TOM1L2: variants seen among roughly 807,000 people sequenced by gnomAD.
The protein encoded by TOM1L2 is target of myb1 like 2 membrane trafficking protein.
Under a neutral mutation model 67.9 loss-of-function variants are expected in TOM1L2, and 31 were observed. That is an observed-to-expected ratio of 0.46 (90% CI 0.34 to 0.62). The LOEUF is 0.62. Ranked by LOEUF, TOM1L2 falls within the 20% of genes least tolerant of loss-of-function variation. TOM1L2 has a pLI of 0.01. For synonymous variants in TOM1L2, 256 were observed against 254.0 expected, an observed-to-expected ratio of 1.01 and a Z score of -0.07; for missense variants, 606 against 663.5, an observed-to-expected ratio of 0.91 and a Z score of 0.95.
intron 8 of TOM1L2, among the ~76,000 whole-genome samples, chr17:17,867,583 T>C (rs1217494062): frequency 1.3e-5 from 2 of 152,044 alleles, no homozygotes; most frequent in African/African-American, 2.4e-5. Context: ...AGAGTAGTTA[T>C]GAGGTGTGTG....
chr17:17,940,243 G>T (rs2040679426), intron 1 of TOM1L2, among the ~76,000 whole-genome samples: 1 of 151,070 alleles, frequency 6.6e-6, no homozygotes, highest in Non-Finnish European at 1.5e-5. Context: ...GCTGCATAGG[G>T]TTGTTACTCA....
At chr17:17,952,411 A>G (rs1261507245) in intron 1 of TOM1L2, among the ~76,000 whole-genome samples, 1 of 50,750 alleles carries the variant, frequency 2.0e-5, no homozygotes, top group East Asian at 4.5e-4. Flanking sequence ...TTTTTTTTTG[A>G]GACAGGATTT....
At chr17:17,947,611 T>C (rs1321297157) in intron 1 of TOM1L2, among the ~76,000 whole-genome samples, 1 of 152,176 alleles carries the variant, frequency 6.6e-6, no homozygotes, top group Admixed American at 6.5e-5. Flanking sequence ...TCCAGAACTA[T>C]GAGAAAATAA....
chr17:17,879,151 C>CTGAG, intron 7 of TOM1L2, among the ~76,000 whole-genome samples: 1 of 152,308 alleles, frequency 6.6e-6, no homozygotes, highest in African/African-American at 2.4e-5. Context: ...GGTGAGGTGC[C>CTGAG]ACTACAAGGG....
intron 3 of TOM1L2, among the ~76,000 whole-genome samples, chr17:17,898,033 C>A (rs2038663243): frequency 6.7e-6 from 1 of 150,138 alleles, no homozygotes. Context: ...TCAAGCAATT[C>A]TCCTGCCTCA....
intron 1 of TOM1L2, among the ~76,000 whole-genome samples, chr17:17,927,475 C>T (rs1248161321): frequency 6.6e-6 from 1 of 152,154 alleles, no homozygotes; most frequent in Non-Finnish European, 1.5e-5. Flanking sequence ...AGAACTCAAC[C>T]TCAATGTGAT....
intron 7 of TOM1L2, among the ~76,000 whole-genome samples, chr17:17,872,792 C>T (rs975437861): frequency 6.6e-6 from 1 of 152,234 alleles, no homozygotes; most frequent in Non-Finnish European, 1.5e-5. Context: ...CAAACAGGCC[C>T]ATTACAAGAA....
chr17:17,879,585 G>A (rs570683564), intron 7 of TOM1L2, 42 bp downstream of exon 7: 1 of 1,517,200 alleles, frequency 6.6e-7, no homozygotes, highest in Non-Finnish European at 9.2e-7. Flanking sequence ...TACGGTGGAA[G>A]AGCTGCCACC....
chr17:17,861,017 C>T (rs562204587), intron 12 of TOM1L2, among the ~76,000 whole-genome samples: 7 of 152,284 alleles, frequency 4.6e-5, no homozygotes, highest in South Asian at 2.1e-4. Context: ...AGATGTGGCT[C>T]GGGTCAGCAT....
intron 2 of TOM1L2, among the ~76,000 whole-genome samples, chr17:17,902,288 T>C (rs757643958): frequency 1.3e-5 from 2 of 152,236 alleles, no homozygotes; most frequent in Non-Finnish European, 2.9e-5. Flanking sequence ...TTCCTCAGGC[T>C]GATGGTGACC....
Position 17,847,520 on chromosome 17 carries a change from T to C in TOM1L2, c.*115A>G, listed in dbSNP as rs957632090. The C allele has an allele frequency of 1.7e-5, 24 of 1,387,024 alleles. No homozygotes were observed. The highest frequency in any genetic ancestry group is 7.2e-5 in the African/African-American group (5 of 69,370). 85.9% of individuals were successfully genotyped at this position (1,387,024 alleles called of 1,614,324 possible). On this transcript the variant is annotated 3_prime_UTR_variant, in exon 15 of 15. Transcript: ENST00000379504. ...GGGAGCAGACACGGTGGCATTTCCATGGAAACACAGGTGTGCAGGCCGTGT... is the reference window on the plus strand; with the variant it reads ...GGGAGCAGACACGGTGGCATTTCCACGGAAACACAGGTGTGCAGGCCGTGT...
rs2036852315 is a variant in TOM1L2 at position 17,866,403 on chromosome 17, G to C, written c.977C>G (p.Thr326Ser). The change falls in exon 10 of 15, where the codon ACC becomes AGC. Residue 326 changes from threonine to serine, a missense_variant. Physicochemically the swap from Thr to Ser is moderately conservative, Grantham distance 58. Around this residue, in one of 2 missense-constraint regions of TOM1L2, gnomAD observed 543 missense variants for 554.0 expected, o/e 0.98. Coordinates refer to ENST00000379504, the MANE Select transcript of TOM1L2 (RefSeq NM_001082968.2). ...CCCCAGGTCTATTAAGTTGTCTTCG[G>C]TTACTTCATTCAGTACCTGTCAGAA... The part of the protein sequence containing the change: ...NASNGVLNEV[T>S]EDNLIDLGPG... The C allele has an allele frequency of 6.2e-7, 1 of 1,601,926 alleles. No individual in the cohort carries two copies. Among genetic ancestry groups the C allele is most frequent in the African/African-American group, 1.3e-5 (1 of 74,742 alleles).
chr17:17,854,206 G>C (rs117924262), intron 12 of TOM1L2, among the ~76,000 whole-genome samples: 2,630 of 152,268 alleles, frequency 0.017, 34 homozygotes, highest in Non-Finnish European at 0.025. Context: ...TAATAATGTA[G>C]GTGCTATCAG....
At chr17:17,951,384 G>C (rs2041201030) in intron 1 of TOM1L2, among the ~76,000 whole-genome samples, 1 of 152,056 alleles carries the variant, frequency 6.6e-6, no homozygotes, top group African/African-American at 2.4e-5. Flanking sequence ...TGTCTTACTG[G>C]GTTAGAGATG....
rs141375393 is a variant in TOM1L2, at chr17:17,927,542, G to A, written c.53-20011C>T. ...GTGGAGCAAATAAACATTTGGCCTC[G>A]TGAGAATGGCCACAGAAAACACTAG... On this transcript the variant is annotated intron_variant, in intron 1 of 14. Transcript: ENST00000379504. 6.6e-5 allele frequency among the ~76,000 whole-genome samples: 10 copies of A among 152,292 alleles called. No homozygotes were observed. The South Asian group carries it at 1.2e-3, about 19-fold the overall frequency.
intron 8 of TOM1L2, 152 bp downstream of exon 8, chr17:17,869,188 C>A: frequency 7.0e-7 from 1 of 1,436,232 alleles, no homozygotes; most frequent in Admixed American, 2.4e-5. Context: ...TTTTTCCTGT[C>A]AGCCGGGAAC....
chr17:17,861,703 T>C (rs2036569196), intron 11 of TOM1L2, 152 bp from the exon 12 acceptor site: 2 of 677,712 alleles, frequency 3.0e-6, no homozygotes, highest in African/African-American at 1.8e-5. Context: ...GAGCAGAGGC[T>C]AAGGGCTCAT....
chr17:17,936,913 C>A (rs546649635), intron 1 of TOM1L2, among the ~76,000 whole-genome samples: 1 of 152,152 alleles, frequency 6.6e-6, no homozygotes, highest in African/African-American at 2.4e-5. Flanking sequence ...GGCTTTTTAA[C>A]AGTCTAAGTT....
intron 11 of TOM1L2, 28 bp downstream of exon 11, chr17:17,862,703 G>C (rs367692512): frequency 7.6e-6 from 12 of 1,571,960 alleles, no homozygotes; most frequent in Non-Finnish European, 7.9e-6. Flanking sequence ...AATATCTTTA[G>C]AGAGCCACTA....
Sources: allele counts gnomAD v4.1 joint callset (sites outside exome capture counted in the v4.1 genomes callset), GRCh38; gene constraint gnomAD v4.1.1; regional missense constraint gnomAD v4.1.1; transcripts MANE v1.5; gene names NCBI Gene and HGNC (gene_info 2026-07-23, HGNC 2026-07-21).